Variants in FGD5 observed in about 807,000 individuals in gnomAD.
FGD5 encodes the protein FYVE, RhoGEF and PH domain-containing protein 5.
Under a neutral mutation model 133.4 loss-of-function variants are expected in FGD5, and 28 were observed. The observed-to-expected ratio is 0.21, with a 90% CI of 0.16 to 0.29. The LOEUF is 0.29. FGD5 is among the 10% of genes least tolerant of loss of function. The pLI is 1.00. For synonymous variants in FGD5, 810 were observed against 776.5 expected, an observed-to-expected ratio of 1.04 and a Z score of -0.72; for missense variants, 1,858 against 1,895.2, an observed-to-expected ratio of 0.98 and a Z score of 0.36.
At chr3:14,832,279 T>C (rs2036726287) in intron 1 of FGD5, among the ~76,000 whole-genome samples, 1 of 152,210 alleles carries the variant, frequency 6.6e-6, no homozygotes, top group East Asian at 1.9e-4. Flanking sequence ...AGAGGCTTCA[T>C]AGAGCTCTCC....
intron 1 of FGD5, among the ~76,000 whole-genome samples, chr3:14,855,946 T>C (rs115642429): frequency 0.088 from 13,429 of 152,234 alleles, 775 homozygotes; most frequent in East Asian, 0.31. Flanking sequence ...CATAAAATAT[T>C]TTCCCAGACC....
intron 4 of FGD5, among the ~76,000 whole-genome samples, chr3:14,892,773 C>G (rs1490206088): frequency 6.6e-6 from 1 of 151,546 alleles, no homozygotes; most frequent in East Asian, 1.9e-4. Context: ...GAGCCAAGAT[C>G]ATGCCATTGC....
chr3:14,866,163 A>T (rs1476782800), intron 2 of FGD5, among the ~76,000 whole-genome samples: 4 of 152,004 alleles, frequency 2.6e-5, no homozygotes, highest in African/African-American at 9.7e-5. Flanking sequence ...GGGACCCCCC[A>T]CATCTCTTCT....
intron 1 of FGD5, among the ~76,000 whole-genome samples, chr3:14,838,300 A>G (rs553508508): frequency 1.1e-3 from 161 of 152,258 alleles, no homozygotes; most frequent in Non-Finnish European, 2.1e-3. Context: ...TCTGCTTCTA[A>G]GGACCTGTGT....
At chr3:14,879,227 G>A (rs1384422825) in intron 2 of FGD5, among the ~76,000 whole-genome samples, 1 of 152,248 alleles carries the variant, frequency 6.6e-6, no homozygotes, top group Non-Finnish European at 1.5e-5. Flanking sequence ...GGAGGCAGGT[G>A]TTCCCAGCTG....
intron 9 of FGD5, among the ~76,000 whole-genome samples, chr3:14,905,407 T>G (rs922698429): frequency 1.3e-5 from 2 of 152,192 alleles, no homozygotes; most frequent in Admixed American, 1.3e-4. Flanking sequence ...TTGAGCTTCT[T>G]GGATCTGTGG....
At chr3:14,862,414 C>T (rs1423334583) in intron 1 of FGD5, among the ~76,000 whole-genome samples, 1 of 152,128 alleles carries the variant, frequency 6.6e-6, no homozygotes, top group Non-Finnish European at 1.5e-5. Context: ...TGAGCTCTGC[C>T]GAACAGGTGA....
At chr3:14,893,756 T>TC (rs1220831408) in intron 4 of FGD5, among the ~76,000 whole-genome samples, 27 of 135,824 alleles carry the variant, frequency 2.0e-4, no homozygotes, top group African/African-American at 5.5e-4. Context: ...TTTTTTCTTT[T>TC]TTTTTTTTTT....
intron 1 of FGD5, among the ~76,000 whole-genome samples, chr3:14,854,391 T>TC (rs1291444871): frequency 3.3e-5 from 2 of 61,072 alleles, no homozygotes; most frequent in Non-Finnish European, 6.4e-5. Flanking sequence ...TCTTTTCTTT[T>TC]TATTTATTTA....
intron 1 of FGD5, among the ~76,000 whole-genome samples, chr3:14,827,964 A>G (rs1234422987): frequency 1.3e-5 from 2 of 152,218 alleles, no homozygotes; most frequent in African/African-American, 4.8e-5. Context: ...TATGGTTGAA[A>G]TGCAGCTCGA....
chr3:14,874,444 C>G lies in FGD5; in HGVS notation c.2659-6128C>G, dbSNP rs1249769481. Among the ~76,000 whole-genome samples, 6 of 152,124 alleles carry G rather than the reference C, an allele frequency of 3.9e-5. No homozygotes were observed. In the East Asian group the frequency reaches 1.2e-3, roughly 29 times the overall value. ...GCTGAGGCTGAAGGATCACTTGAGC[C>G]CAGGTGCCATTGCATTCCAGCCTGG... On this transcript the variant is annotated intron_variant, in intron 2 of 19. Transcript: ENST00000285046.
In FGD5 at chr3:14,819,154, A is replaced by G; in HGVS notation, c.83A>G (p.Asn28Ser). 6 of 1,551,532 alleles carry G rather than the reference A, an allele frequency of 3.9e-6. No homozygotes were observed. The highest frequency in any genetic ancestry group is 5.2e-6 in the Non-Finnish European group (6 of 1,147,004). Reference protein sequence around the residue: ...PNEWRASVYLNDSLNKCSNGR... With the variant: ...PNEWRASVYLSDSLNKCSNGR... ...GAGTGGAGAGCCAGTGTGTACCTGA[A>G]TGACAGCTTGAACAAATGCAGCAAC... The change falls in exon 1 of 20, where the codon AAT becomes AGT. Residue 28 changes from asparagine (N) to serine (S), a missense_variant. Physicochemically the swap from Asn to Ser is conservative, Grantham distance 46. Around this residue, in one of 3 missense-constraint regions of FGD5, gnomAD observed 5 missense variants for 18.7 expected, o/e 0.27. Coordinates refer to ENST00000285046, the MANE Select transcript of FGD5 (RefSeq NM_152536.4). The surrounding 1 kb of genome is among the most constrained non-coding windows in gnomAD (Gnocchi z 4.1).
intron 1 of FGD5, among the ~76,000 whole-genome samples, chr3:14,836,076 C>A (rs188472603): frequency 6.6e-6 from 1 of 152,256 alleles, no homozygotes; most frequent in Non-Finnish European, 1.5e-5. Context: ...GACGTAGAAC[C>A]CAGGGGCATC....
chr3:14,882,891 T>G (rs1050712965), intron 4 of FGD5, among the ~76,000 whole-genome samples: 42 of 152,250 alleles, frequency 2.8e-4, no homozygotes, highest in Non-Finnish European at 5.3e-4. Flanking sequence ...ACTCCCTGGC[T>G]TCGAATCTAT....
rs373021399 is a variant in FGD5 at position 14,917,200 on chromosome 3, C to T, written c.3406-49C>T. The T allele has an allele frequency of 2.2e-5, 33 of 1,529,024 alleles. No homozygotes were observed. In the Admixed American group the frequency reaches 2.6e-4, roughly 12 times the overall value. The allele number at this position is 1,529,024 out of a possible 1,614,324, so 94.7% of individuals were successfully genotyped here. A position where few individuals can be genotyped will look rare whatever the true frequency, so the allele number is the denominator to read the frequency against. On this transcript the variant is annotated intron_variant, in intron 11 of 19. Transcript: ENST00000285046. The surrounding 1 kb of genome is among the most constrained non-coding windows in gnomAD (Gnocchi z 4.1). ...GGATCCTTTGAGGACAGAAGCCTGGCGCAGCCTTCTGGGGCCAGGGTCCTC... is the reference window on the plus strand; with the variant it reads ...GGATCCTTTGAGGACAGAAGCCTGGTGCAGCCTTCTGGGGCCAGGGTCCTC...
chr3:14,921,775 T>G, intron 13 of FGD5, 143 bp from the exon 14 acceptor site: 1 of 713,388 alleles, frequency 1.4e-6, no homozygotes, highest in Non-Finnish European at 2.4e-6. Flanking sequence ...GTCTGGCAGG[T>G]GATCTCTTCT....
At position 14,835,138 on chromosome 3, in the gene FGD5, G is replaced by C. The variant is rs1449477750; in HGVS notation, c.2525+13542G>C. ...TTGCCCCCGCCTTAGGAAATGGCGAGCCACTCTCACAGTGGGTGTGCACAG... is the reference window on the plus strand; with the variant it reads ...TTGCCCCCGCCTTAGGAAATGGCGACCCACTCTCACAGTGGGTGTGCACAG... On this transcript the variant is annotated intron_variant, in intron 1 of 19. Transcript: ENST00000285046. Among the ~76,000 whole-genome samples the C allele has an allele frequency of 3.9e-5, 6 of 152,218 alleles. No homozygotes were observed. In the East Asian group the frequency reaches 1.2e-3, roughly 29 times the overall value.
rs2036442964 is a variant in FGD5, at chr3:14,819,735, G to T, written c.664G>T (p.Ala222Ser). ...AGAGGAGGATGATGAGGAAGGCTGT[G>T]CCAGCACAGACCCAGCAGGGGCAGA... ...EAEEDDEEGC[A>S]STDPAGADEG... is the part of the protein sequence containing the mutation. Residue 222 changes from alanine (A) to serine (S), a missense_variant, in exon 1 of 20, where the codon GCC becomes TCC. Around this residue, in one of 3 missense-constraint regions of FGD5, gnomAD observed 1,824 missense variants for 1,848.9 expected, o/e 0.99. Coordinates refer to ENST00000285046, the MANE Select transcript of FGD5 (RefSeq NM_152536.4). This position sits in a 1 kb window ranked among gnomAD's most constrained non-coding sequence, Gnocchi z 4.1. The T allele has an allele frequency of 3.9e-6, 6 of 1,536,684 alleles. No individual in the cohort carries two copies. Among genetic ancestry groups the T allele is most frequent in the Non-Finnish European group, 5.3e-6 (6 of 1,139,996 alleles).
At chr3:14,892,351 A>G (rs1559495850) in intron 4 of FGD5, among the ~76,000 whole-genome samples, 1 of 152,026 alleles carries the variant, frequency 6.6e-6, no homozygotes, top group Non-Finnish European at 1.5e-5. Context: ...ATAGGCGTGC[A>G]CCACCATGCC....
Sources: gnomAD v4.1 joint callset for allele counts (sites outside exome capture counted in the v4.1 genomes callset) on GRCh38, gnomAD v4.1.1 for gene constraint, gnomAD v4.1.1 regional missense constraint, Gnocchi (gnomAD v3.1) non-coding constraint, MANE v1.5 for transcripts, NCBI Gene and HGNC (gene_info 2026-07-23, HGNC 2026-07-21) for gene names.